The following KAZN variants were observed in gnomAD, a reference collection of about 807,000 sequenced individuals.
The protein encoded by KAZN is kazrin, periplakin interacting protein.
KAZN carries 40 observed loss-of-function variants against 87.4 expected under a neutral mutation model. The ratio of observed to expected loss-of-function variants is 0.46; its 90% CI spans 0.36 to 0.60. The LOEUF (loss-of-function observed/expected upper bound fraction) is 0.60. Ranked by LOEUF, KAZN falls within the 20% of genes least tolerant of loss-of-function variation. The pLI is 0.00. For synonymous variants in KAZN, 466 were observed against 458.3 expected, an observed-to-expected ratio of 1.02 and a Z score of -0.22; for missense variants, 898 against 1,073.9, an observed-to-expected ratio of 0.84 and a Z score of 2.29.
At chr1:14,798,828 T>C (rs1261802272) in intron 1 of KAZN, among the ~76,000 whole-genome samples, 1 of 151,916 alleles carries the variant, frequency 6.6e-6, no homozygotes, top group East Asian at 1.9e-4. Flanking sequence ...AGGCATGATC[T>C]CGGCTCACTG....
intron 2 of KAZN, among the ~76,000 whole-genome samples, chr1:14,181,250 T>A (rs1483942522): frequency 2.6e-5 from 4 of 152,200 alleles, no homozygotes; most frequent in African/African-American, 9.7e-5. Flanking sequence ...CTGAGCTAGA[T>A]CTAATTGTCA....
chr1:14,626,759 A>G (rs1679170348), intron 1 of KAZN, among the ~76,000 whole-genome samples: 1 of 151,970 alleles, frequency 6.6e-6, no homozygotes, highest in African/African-American at 2.4e-5. Flanking sequence ...TTATTTCTTG[A>G]TGTTGCCACG....
intron 2 of KAZN, among the ~76,000 whole-genome samples, chr1:14,997,975 G>A (rs1668065372): frequency 1.3e-5 from 2 of 152,330 alleles, no homozygotes; most frequent in Middle Eastern, 3.4e-3. Context: ...ACCCAGACAG[G>A]CTAAGCACTC....
intron 1 of KAZN, among the ~76,000 whole-genome samples, chr1:14,882,472 G>T (rs999704440): frequency 1.8e-4 from 28 of 152,268 alleles, no homozygotes; most frequent in Middle Eastern, 3.4e-3. Flanking sequence ...CCATTTGGGG[G>T]CTGTGAAATG....
chr1:14,668,333 G>A (rs1048295136), intron 1 of KAZN, among the ~76,000 whole-genome samples: 2 of 152,142 alleles, frequency 1.3e-5, no homozygotes, highest in Non-Finnish European at 2.9e-5. Flanking sequence ...GTCCATCAGC[G>A]GTTCATGGCT....
chr1:14,214,779 G>T (rs966347739), intron 2 of KAZN, among the ~76,000 whole-genome samples: 3 of 152,222 alleles, frequency 2.0e-5, no homozygotes, highest in Non-Finnish European at 4.4e-5. Flanking sequence ...TTGGATAGTG[G>T]AGCTGGGGAG....
intron 10 of KAZN, among the ~76,000 whole-genome samples, chr1:15,098,763 C>A (rs1374590378): frequency 6.6e-6 from 1 of 152,246 alleles, no homozygotes; most frequent in East Asian, 1.9e-4. Flanking sequence ...TTCAGGAGCT[C>A]CAGCTGGGCA....
intron 1 of KAZN, among the ~76,000 whole-genome samples, chr1:14,053,019 C>G (rs182761269): frequency 6.6e-6 from 1 of 152,106 alleles, no homozygotes; most frequent in African/African-American, 2.4e-5. Flanking sequence ...TGGGCAGGGC[C>G]GGTGCCTCAC....
chr1:14,297,493 G>A (rs1440296004), intron 2 of KAZN, among the ~76,000 whole-genome samples: 2 of 152,174 alleles, frequency 1.3e-5, no homozygotes, highest in African/African-American at 4.8e-5. Context: ...AGAGGGCTGA[G>A]AGTGATTTGG....
Position 14,399,533 on chromosome 1 carries a change from C to G in KAZN, c.250-199450C>G, listed in dbSNP as rs571398416. ...TCTCAGTAACAGGCAAGCAGCCAGC[C>G]ACCCATTAGGACCAATCCCAAGCTT... On this transcript the variant is annotated intron_variant, in intron 2 of 16. Coordinates refer to the KAZN transcript ENST00000636203. 5.9e-5 allele frequency among the ~76,000 whole-genome samples: 9 copies of G among 152,198 alleles called. No individual in the cohort carries two copies. In the South Asian group the frequency reaches 1.9e-3, roughly 32 times the overall value.
At chr1:14,093,284 C>T (rs553954268) in intron 1 of KAZN, among the ~76,000 whole-genome samples, 2 of 152,322 alleles carry the variant, frequency 1.3e-5, no homozygotes, top group South Asian at 4.1e-4. Context: ...TCCTTAGACC[C>T]ATGGCTGGCT....
At chr1:13,898,763 G>C (rs762290879) in intron 1 of KAZN, among the ~76,000 whole-genome samples, 5 of 152,202 alleles carry the variant, frequency 3.3e-5, no homozygotes, top group Non-Finnish European at 7.3e-5. Flanking sequence ...CTGTCTGTCT[G>C]TCTCTCTCAC....
intron 5 of KAZN, among the ~76,000 whole-genome samples, chr1:15,057,303 C>G (rs192357392): frequency 6.6e-6 from 1 of 152,340 alleles, no homozygotes; most frequent in East Asian, 1.9e-4. Flanking sequence ...GCATTAGGCT[C>G]TTAGCACACA....
chr1:13,950,820 G>C (rs1257640987), intron 1 of KAZN, among the ~76,000 whole-genome samples: 1 of 152,172 alleles, frequency 6.6e-6, no homozygotes, highest in Non-Finnish European at 1.5e-5. Context: ...GGGGTTCAAG[G>C]ATGCAGTTCC....
intron 2 of KAZN, among the ~76,000 whole-genome samples, chr1:14,329,520 G>C (rs1238798669): frequency 6.6e-6 from 1 of 152,240 alleles, no homozygotes; most frequent in Non-Finnish European, 1.5e-5. Context: ...ATGATTGGCA[G>C]ATCTAAAATG....
chr1:14,846,380 G>A (rs922585266), intron 1 of KAZN, among the ~76,000 whole-genome samples: 5 of 151,998 alleles, frequency 3.3e-5, no homozygotes, highest in African/African-American at 1.2e-4. Context: ...TAGGCCACAA[G>A]AGAGAACAAA....
intron 2 of KAZN, among the ~76,000 whole-genome samples, chr1:15,002,431 T>C (rs373193423): frequency 5.0e-4 from 76 of 152,312 alleles, no homozygotes; most frequent in Non-Finnish European, 8.2e-4. Context: ...CGTTGCACCC[T>C]GAGTTTTTCG....
chr1:14,204,965 T>C (rs1179523531), intron 2 of KAZN, among the ~76,000 whole-genome samples: 1 of 152,232 alleles, frequency 6.6e-6, no homozygotes, highest in Non-Finnish European at 1.5e-5. Context: ...TTCTTGCCAA[T>C]ATGAAGTTCT....
chr1:14,220,394 G>A (rs1647068923), intron 2 of KAZN, among the ~76,000 whole-genome samples: 1 of 152,104 alleles, frequency 6.6e-6, no homozygotes, highest in East Asian at 1.9e-4. Context: ...GAATCTTTGA[G>A]TCATCCCTAA....
Sources: gnomAD v4.1 joint callset for allele counts (sites outside exome capture counted in the v4.1 genomes callset) on GRCh38, gnomAD v4.1.1 for gene constraint, MANE v1.5 for transcripts, NCBI Gene and HGNC (gene_info 2026-07-23, HGNC 2026-07-21) for gene names.